The following FOCAD variants were observed in gnomAD, a reference collection of about 807,000 sequenced individuals.
The protein encoded by FOCAD is focadhesin.
A neutral mutation model predicts 225.6 loss-of-function variants in FOCAD; 198 were observed. The ratio of observed to expected loss-of-function variants is 0.88; its 90% CI spans 0.78 to 0.99. The LOEUF (loss-of-function observed/expected upper bound fraction) is 0.99. Among genes scored for constraint, FOCAD ranks in the 50% least tolerant of loss-of-function variants. The pLI is 0.00. For missense variants in FOCAD, 2,713 were observed against 2,123.6 expected, an observed-to-expected ratio of 1.28 and a Z score of -5.46; for synonymous variants, 897 against 755.0, an observed-to-expected ratio of 1.19 and a Z score of -3.08.
intron 39 of FOCAD, among the ~76,000 whole-genome samples, chr9:20,985,010 A>C (rs1052713857): frequency 6.6e-6 from 1 of 152,188 alleles, no homozygotes; most frequent in Admixed American, 6.5e-5. Context: ...CATGTTGGCC[A>C]GGCTGGTTTT....
intron 41 of FOCAD, 58 bp downstream of exon 41, chr9:20,988,487 G>A: frequency 2.3e-6 from 2 of 885,988 alleles, no homozygotes; most frequent in Non-Finnish European, 3.3e-6. Flanking sequence ...ATATTAGGTT[G>A]GTGCAAAAGT....
At chr9:20,955,796 C>G (rs371170403) in intron 35 of FOCAD, among the ~76,000 whole-genome samples, 13 of 152,168 alleles carry the variant, frequency 8.5e-5, no homozygotes, top group Admixed American at 6.5e-4. Context: ...CTGATTTTCT[C>G]AAGATCATAG....
intron 2 of FOCAD, among the ~76,000 whole-genome samples, chr9:20,663,521 T>C (rs1821801344): frequency 6.8e-6 from 1 of 148,098 alleles, no homozygotes; most frequent in Non-Finnish European, 1.5e-5. Flanking sequence ...ACACAGTTTA[T>C]GACTATGTTT....
intron 35 of FOCAD, among the ~76,000 whole-genome samples, chr9:20,957,840 C>G (rs1838344548): frequency 6.6e-6 from 1 of 151,696 alleles, no homozygotes; most frequent in African/African-American, 2.4e-5. Context: ...ATGCATATAG[C>G]TCTCTTCTGC....
chr9:20,982,281 T>C (rs1039382479), intron 38 of FOCAD, 76 bp from the exon 39 acceptor site: 18 of 1,069,394 alleles, frequency 1.7e-5, no homozygotes, highest in Non-Finnish European at 2.4e-5. Context: ...GATAAGAAAA[T>C]CTAATAATTT....
rs566177600 is a variant in FOCAD at position 20,753,904 on chromosome 9, C to T, written c.393-4186C>T. On this transcript the variant is annotated intron_variant, in intron 5 of 43. Coordinates refer to ENST00000338382, the MANE Select transcript of FOCAD (RefSeq NM_001375567.1). ...TTTACAAGTGATCGGGCTGATTCAT[C>T]AGCCCATCTATCCTTTTGAATAAAG... Among the ~76,000 whole-genome samples the T allele has an allele frequency of 7.2e-5, 11 of 152,248 alleles. No homozygotes were observed. In the South Asian group the frequency reaches 1.2e-3, roughly 17 times the overall value.
intron 8 of FOCAD, among the ~76,000 whole-genome samples, chr9:20,774,321 T>A (rs1214283934): frequency 6.6e-6 from 1 of 152,210 alleles, no homozygotes; most frequent in Admixed American, 6.5e-5. Context: ...TGTTCTGTCA[T>A]CAAGAGGCAC....
chr9:20,883,550 C>T (rs973979771), intron 20 of FOCAD, among the ~76,000 whole-genome samples: 2 of 152,140 alleles, frequency 1.3e-5, no homozygotes, highest in South Asian at 4.1e-4. Flanking sequence ...TAGAGTTTGT[C>T]CTCTGATGAC....
intron 1 of FOCAD, among the ~76,000 whole-genome samples, chr9:20,706,648 C>T (rs1824413124): frequency 6.6e-6 from 1 of 152,172 alleles, no homozygotes; most frequent in South Asian, 2.1e-4. Context: ...GTTGCTTTAA[C>T]CTCTCTGACA....
intron 4 of FOCAD, among the ~76,000 whole-genome samples, chr9:20,723,077 A>G (rs1033600611): frequency 6.6e-6 from 1 of 152,244 alleles, no homozygotes; most frequent in African/African-American, 2.4e-5. Context: ...ACACATCAGT[A>G]TTAATTCTTC....
intron 28 of FOCAD, among the ~76,000 whole-genome samples, chr9:20,940,801 G>T (rs1402556694): frequency 6.6e-6 from 1 of 152,156 alleles, no homozygotes; most frequent in Non-Finnish European, 1.5e-5. Flanking sequence ...AAGTGGCAGA[G>T]CCAAGAGAGA....
chr9:20,881,460 T>A (rs1433562874), intron 19 of FOCAD, among the ~76,000 whole-genome samples: 2 of 152,212 alleles, frequency 1.3e-5, no homozygotes, highest in Non-Finnish European at 2.9e-5. Flanking sequence ...TTCTGGCCTC[T>A]GGGCAGAGGA....
chr9:20,981,976 A>T (rs936726332), intron 38 of FOCAD, among the ~76,000 whole-genome samples: 3 of 152,192 alleles, frequency 2.0e-5, no homozygotes, highest in Non-Finnish European at 4.4e-5. Context: ...AAGGCTCAGA[A>T]GTCCTTACGC....
intron 37 of FOCAD, among the ~76,000 whole-genome samples, chr9:20,980,800 A>G (rs1007599137): frequency 1.3e-5 from 2 of 152,176 alleles, no homozygotes; most frequent in African/African-American, 4.8e-5. Context: ...TGTTCCTAAG[A>G]ATTTTTGAAG....
At chr9:20,957,478 C>CTTTCTTTTTTTTT (rs774432443) in intron 35 of FOCAD, 2 of 81,482 alleles carry the variant, frequency 2.5e-5, no homozygotes, top group Non-Finnish European at 4.4e-5. Context: ...CTTTTCTTTT[C>CTTTCTTTTTTTTT]TTTTTTTTTT....
chr9:20,862,271 T>C (rs1255720447), intron 15 of FOCAD, among the ~76,000 whole-genome samples: 2 of 152,054 alleles, frequency 1.3e-5, no homozygotes, highest in Non-Finnish European at 1.5e-5. Flanking sequence ...TATAGCTAGA[T>C]AATCTGGAGT....
At chr9:20,807,252 G>T (rs369330063) in intron 11 of FOCAD, among the ~76,000 whole-genome samples, 17 of 152,222 alleles carry the variant, frequency 1.1e-4, no homozygotes, top group Admixed American at 7.8e-4. Flanking sequence ...TAGATGACAT[G>T]TTCCTTGCCC....
chr9:20,863,796 T>C (rs1177900617), intron 16 of FOCAD, among the ~76,000 whole-genome samples: 1 of 152,120 alleles, frequency 6.6e-6, no homozygotes, highest in Non-Finnish European at 1.5e-5. Flanking sequence ...TATATTTACT[T>C]TCTGTCTTCA....
At chr9:20,691,437 C>T (rs1373709348) in intron 1 of FOCAD, among the ~76,000 whole-genome samples, 5 of 151,550 alleles carry the variant, frequency 3.3e-5, no homozygotes, top group African/African-American at 4.8e-5. Context: ...TATCATTCAG[C>T]CTTTAAATAT....
Sources: gnomAD v4.1 joint callset for allele counts (sites outside exome capture counted in the v4.1 genomes callset) on GRCh38, gnomAD v4.1.1 for gene constraint, MANE v1.5 for transcripts, NCBI Gene and HGNC (gene_info 2026-07-23, HGNC 2026-07-21) for gene names.